Variants in TRPM7 observed in about 807,000 individuals in gnomAD.
The protein encoded by TRPM7 is LTRPC ion channel family member 7.
In TRPM7, 134 loss-of-function variants were observed where a neutral mutation model predicts 229.7. The observed-to-expected ratio is 0.58, with a 90% CI of 0.51 to 0.67. The LOEUF is 0.67. TRPM7 is among the 30% of genes least tolerant of loss of function. The probability of loss-of-function intolerance (pLI) is 0.00; values close to 1 mark genes in which losing one functional copy is unlikely to be tolerated. For synonymous variants in TRPM7, 699 were observed against 715.2 expected, an observed-to-expected ratio of 0.98 and a Z score of 0.36; for missense variants, 1,901 against 2,210.0, an observed-to-expected ratio of 0.86 and a Z score of 2.80.
intron 1 of TRPM7, among the ~76,000 whole-genome samples, chr15:50,678,873 C>CA (rs60481552): frequency 1.3e-5 from 2 of 150,394 alleles, no homozygotes; most frequent in African/African-American, 2.4e-5. Flanking sequence ...TTTGCAAAAA[C>CA]AAAAAAAAAA....
At chr15:50,674,130 A>T (rs1193931371) in intron 1 of TRPM7, among the ~76,000 whole-genome samples, 1 of 152,174 alleles carries the variant, frequency 6.6e-6, no homozygotes, top group Non-Finnish European at 1.5e-5. Flanking sequence ...CTGAGATAAC[A>T]GGTACCTGCC....
chr15:50,668,670 G>C (rs1032299419), intron 1 of TRPM7, among the ~76,000 whole-genome samples: 5 of 152,090 alleles, frequency 3.3e-5, no homozygotes, highest in African/African-American at 1.2e-4. Flanking sequence ...ACCACACCAA[G>C]CTACTTTTTG....
intron 1 of TRPM7, among the ~76,000 whole-genome samples, chr15:50,679,538 A>ATATATATTTT (rs1400383980): frequency 1.6e-4 from 7 of 43,900 alleles, no homozygotes; most frequent in African/African-American, 7.5e-4. Context: ...ATATATATAT[A>ATATATATTTT]TTTTTTTTTT....
rs1346633727 is a variant in TRPM7, at chr15:50,679,086, ATGGTC to A, written c.3+7440_3+7444del. On this transcript the variant is annotated intron_variant, in intron 1 of 38. Transcript: ENST00000646667. ...ATGGGGTTTCACCATGTTGGCCAGGATGGTCTCGATCTCTTGACCTGGTGATCCAC... is the reference window on the plus strand; with the variant it reads ...ATGGGGTTTCACCATGTTGGCCAGGATCGATCTCTTGACCTGGTGATCCAC... 1.7e-4 allele frequency among the ~76,000 whole-genome samples: 26 copies of A among 150,540 alleles called. 4 individuals carry two copies. Among genetic ancestry groups the A allele is most frequent in the African/African-American group, 6.2e-4 (25 of 40,492 alleles).
chr15:50,639,647 G>A (rs1289167992), intron 5 of TRPM7, 99 bp from the exon 6 acceptor site: 8 of 1,068,268 alleles, frequency 7.5e-6, no homozygotes, highest in Non-Finnish European at 1.1e-5. Context: ...GCTCACTGCA[G>A]CCTCAAACTC....
chr15:50,637,306 A>C, intron 7 of TRPM7, 116 bp downstream of exon 7: 2 of 937,826 alleles, frequency 2.1e-6, no homozygotes, highest in Non-Finnish European at 3.2e-6. Context: ...GTTGTTTCAT[A>C]TGTTATCTTG....
At chr15:50,562,729 T>G (rs3131580) in intron 38 of TRPM7, among the ~76,000 whole-genome samples, 54,861 of 149,908 alleles carry the variant, frequency 0.37, 10,854 homozygotes, top group Admixed American at 0.49. Context: ...CCCAAGATCA[T>G]GCCACTGTAC....
At chr15:50,668,447 C>G (rs1006372443) in intron 1 of TRPM7, among the ~76,000 whole-genome samples, 1 of 152,084 alleles carries the variant, frequency 6.6e-6, no homozygotes, top group African/African-American at 2.4e-5. Context: ...TTCTCTCTAC[C>G]CCATTTCTCA....
rs761012403 is a variant in TRPM7, at chr15:50,632,968, G to T, written c.1032C>A (p.Pro344=). ...EGGNLPDAAE[P]DIISTIKKTF... Reference sequence around the variant, plus strand: ...TTTTTTTGATAGTGGAAATAATATCGGGCTCTGCTGCATCAGGAAGATTCC... The same window carrying T: ...TTTTTTTGATAGTGGAAATAATATCTGGCTCTGCTGCATCAGGAAGATTCC... The change falls in exon 9 of 39, where the codon CCC becomes CCA. Residue 344 remains proline (P), a synonymous_variant. Transcript: ENST00000646667. The T allele has an allele frequency of 6.9e-6, 11 of 1,592,738 alleles. No homozygotes were observed. Among genetic ancestry groups the T allele is most frequent in the Admixed American group, 1.8e-5 (1 of 54,166 alleles).
chr15:50,589,592 G>T lies in TRPM7; in HGVS notation c.4389C>A (p.Ser1463=). The T allele has an allele frequency of 6.5e-7, 1 of 1,550,348 alleles. No individual in the cohort carries two copies. Among genetic ancestry groups the T allele is most frequent in the East Asian group, 2.3e-5 (1 of 43,952 alleles). ...GGTGTTTTAATAAGGATTTACTTACGGATAGTATTTTTATCTTGTTTGATG... is the reference window on the plus strand; with the variant it reads ...GGTGTTTTAATAAGGATTTACTTACTGATAGTATTTTTATCTTGTTTGATG... ...KETSNKIKIL[S]NNNTSENTLK... The change falls in exon 27 of 39, where the codon TCC becomes TCA. Residue 1463 remains serine (S), a splice_region_variant and synonymous_variant. Coordinates refer to ENST00000646667, the MANE Select transcript of TRPM7 (RefSeq NM_017672.6).
At chr15:50,585,103 G>T (rs370535925) in intron 28 of TRPM7, among the ~76,000 whole-genome samples, 1 of 134,006 alleles carries the variant, frequency 7.5e-6, no homozygotes, top group Non-Finnish European at 1.5e-5. Context: ...CGCCCAGGCC[G>T]GACTGCAGAC....
Position 50,607,259 on chromosome 15 carries a change from C to T in TRPM7, c.2650G>A (p.Val884Ile). 1 of 1,609,360 alleles carries T rather than the reference C, an allele frequency of 6.2e-7. No homozygotes were observed. Among genetic ancestry groups the T allele is most frequent in the Non-Finnish European group, 8.5e-7 (1 of 1,177,470 alleles). ...TAAGCAATAACAATCCATTCTTGAA[C>T]TGAAGGTAACTGTTCCATTTGTACA... is the stretch of plus-strand genomic sequence containing the variant. ...VLVQMEQLPS[V>I]QEWIVIAYIF... is the part of the protein sequence containing the mutation. Residue 884 changes from valine to isoleucine, a missense_variant, in exon 20 of 39, where the codon GTT becomes ATT. Val to Ile is a conservative substitution (Grantham distance 29). This residue lies in a region of TRPM7 where 207 missense variants were observed against 241.5 expected (regional missense o/e 0.86). Transcript: ENST00000646667.
chr15:50,581,967 A>C (rs1038128972), intron 29 of TRPM7, among the ~76,000 whole-genome samples: 3 of 151,596 alleles, frequency 2.0e-5, no homozygotes, highest in African/African-American at 7.3e-5. Flanking sequence ...ACTCCCACTG[A>C]GTGGGGTTTT....
rs1488163306 is a variant in TRPM7 at position 50,585,048 on chromosome 15, G to GTTTTTT, written c.4486+1343_4486+1344insAAAAAA. Reference sequence around the variant, plus strand: ...GCGCCACCACATCTAGCTAATTTTTGTATTTTTTTTTTTTTTTTTTTTTTG... The same window carrying GTTTTTT: ...GCGCCACCACATCTAGCTAATTTTTGTTTTTTTATTTTTTTTTTTTTTTTTTTTTTG... On this transcript the variant is annotated intron_variant, in intron 28 of 38. Transcript: ENST00000646667. Among the ~76,000 whole-genome samples the GTTTTTT allele has an allele frequency of 4.9e-4, 42 of 85,766 alleles. 1 individual carries two copies. Among genetic ancestry groups the GTTTTTT allele is most frequent in the Middle Eastern group, 7.0e-3 (1 of 142 alleles). 56.3% of individuals were successfully genotyped at this position (85,766 alleles called of 152,430 possible).
chr15:50,607,406 C>T (rs375856767), intron 19 of TRPM7, 78 bp from the exon 20 acceptor site: 2 of 1,262,828 alleles, frequency 1.6e-6, no homozygotes, highest in Non-Finnish European at 2.2e-6. Context: ...TTCAAACACA[C>T]ACAAAAACAG....
In TRPM7 at chr15:50,679,527, TATATATATATA is replaced by T. The variant is rs1296389361; in HGVS notation, c.3+6993_3+7003del. 2.8e-4 allele frequency among the ~76,000 whole-genome samples: 14 copies of T among 50,004 alleles called. 2 individuals are homozygous for T. The highest frequency in any genetic ancestry group is 6.2e-4 in the African/African-American group (7 of 11,266). The allele number at this position is 50,004 out of a possible 152,430, so 32.8% of individuals were successfully genotyped here. The stretch of plus-strand genomic sequence containing the variant: ...TATATATATAATATATATATATATA[TATATATATATA>T]TTTTTTTTTTTTTTTGAGACAGAGT... On this transcript the variant is annotated intron_variant, in intron 1 of 38. Transcript: ENST00000646667.
chr15:50,571,736 T>C (rs796762178), intron 36 of TRPM7, among the ~76,000 whole-genome samples: 3 of 68,294 alleles, frequency 4.4e-5, no homozygotes, highest in Admixed American at 2.4e-4. Context: ...TATTGCTACA[T>C]TGTTTAACTT....
chr15:50,615,150 C>G (rs11070800), intron 13 of TRPM7, among the ~76,000 whole-genome samples: 2 of 128,856 alleles, frequency 1.6e-5, no homozygotes, highest in Non-Finnish European at 3.1e-5. Context: ...GCGACAAGAG[C>G]GAGACTTTGT....
rs571096965 is a variant in TRPM7, at chr15:50,667,541, A to G, written c.4-4495T>C. Among the ~76,000 whole-genome samples, 5 of 152,270 alleles carry G rather than the reference A, an allele frequency of 3.3e-5. No homozygotes were observed. In the South Asian group the frequency reaches 1.0e-3, roughly 32 times the overall value. On this transcript the variant is annotated intron_variant, in intron 1 of 38. Transcript: ENST00000646667. ...GGCCGACATGTAAAACCCCACCTCT[A>G]CTAAAAATACAAAAAATTAGCTGGG...
Sources: allele counts gnomAD v4.1 joint callset (sites outside exome capture counted in the v4.1 genomes callset), GRCh38; gene constraint gnomAD v4.1.1; regional missense constraint gnomAD v4.1.1; transcripts MANE v1.5; gene names NCBI Gene and HGNC (gene_info 2026-07-23, HGNC 2026-07-21).